The following AKR1C3 variants were observed in gnomAD, a reference collection of about 807,000 sequenced individuals.
AKR1C3 encodes the protein 3-alpha hydroxysteroid dehydrogenase, type II.
Under a neutral mutation model 43.6 loss-of-function variants are expected in AKR1C3, and 48 were observed. The observed-to-expected ratio is 1.10, with a 90% confidence interval of 0.87 to 1.40. The LOEUF (loss-of-function observed/expected upper bound fraction) is 1.40, where lower values mean the gene tolerates loss of function less well. AKR1C3 is among the 40% of genes most tolerant of loss of function. The pLI is 0.00. For missense variants in AKR1C3, 482 were observed against 391.2 expected (o/e 1.23, Z -1.96); for synonymous variants, 162 against 139.6 (o/e 1.16, Z -1.13).
In AKR1C3 at chr10:5,098,892, C is replaced by T. The variant is rs115177818; in HGVS notation, c.447+13C>T. ...TACCACCTGGGAGGTGAGTGCTTGG[C>T]GGAGAGGACACAGAGAAGGATGACA... On this transcript the variant is annotated intron_variant, in intron 4 of 8. Transcript: ENST00000380554. 2,548 of 1,596,364 alleles carry T rather than the reference C, an allele frequency of 1.6e-3. 50 individuals carry two copies. The African/African-American group carries it at 0.031, about 19-fold the overall frequency.
chr10:5,065,379 A>G (rs544766663), intron 1 of AKR1C3, among the ~76,000 whole-genome samples: 1 of 152,314 alleles, frequency 6.6e-6, no homozygotes, highest in Admixed American at 6.5e-5. Flanking sequence ...ACCAGACTGG[A>G]TAAAGAAATC....
chr10:5,077,108 G>A (rs1838731672), intron 1 of AKR1C3, among the ~76,000 whole-genome samples: 1 of 151,638 alleles, frequency 6.6e-6, no homozygotes, highest in Non-Finnish European at 1.5e-5. Context: ...TTTCACTAAA[G>A]AACATTCGTG....
At chr10:5,105,744 G>A in intron 8 of AKR1C3, 67 bp downstream of exon 8, 1 of 1,269,132 alleles carries the variant, frequency 7.9e-7, no homozygotes, top group Admixed American at 1.9e-5. Context: ...TGGGTGTTGA[G>A]AGTGACCTCC....
chr10:5,073,009 G>A (rs1838643889), intron 1 of AKR1C3, among the ~76,000 whole-genome samples: 1 of 152,008 alleles, frequency 6.6e-6, no homozygotes, highest in Non-Finnish European at 1.5e-5. Flanking sequence ...TTTCTCCCAG[G>A]TTAGAGTGTA....
intron 1 of AKR1C3, among the ~76,000 whole-genome samples, chr10:5,082,547 T>A (rs1181715288): frequency 6.6e-6 from 1 of 152,168 alleles, no homozygotes; most frequent in Non-Finnish European, 1.5e-5. Flanking sequence ...ATGATCATTT[T>A]TTTTTTGCTT....
intron 1 of AKR1C3, among the ~76,000 whole-genome samples, chr10:5,087,649 A>G (rs1839000174): frequency 6.6e-6 from 1 of 152,076 alleles, no homozygotes; most frequent in Admixed American, 6.6e-5. Context: ...CTGGGATTAC[A>G]GACGTAAGCC....
intron 1 of AKR1C3, among the ~76,000 whole-genome samples, chr10:5,065,975 G>A (rs1420826345): frequency 2.0e-5 from 3 of 152,136 alleles, no homozygotes; most frequent in African/African-American, 4.8e-5. Context: ...GCTCTCTCTA[G>A]TGGAGGCAGG....
chr10:5,104,985 G>T (rs2154309), intron 7 of AKR1C3, among the ~76,000 whole-genome samples: 127,071 of 151,604 alleles, frequency 0.84, 53,157 homozygotes, highest in Middle Eastern at 0.91. Flanking sequence ...GAGTGATTTA[G>T]TCAATTTATA....
intron 1 of AKR1C3, among the ~76,000 whole-genome samples, chr10:5,061,238 T>G (rs1554780204): frequency 6.6e-6 from 1 of 152,132 alleles, no homozygotes; most frequent in East Asian, 1.9e-4. Flanking sequence ...TTTGCAGACC[T>G]TTTTGAGGTG....
At chr10:5,049,992 G>T (rs781849927) in intron 1 of AKR1C3, among the ~76,000 whole-genome samples, 4 of 152,054 alleles carry the variant, frequency 2.6e-5, no homozygotes, top group Non-Finnish European at 5.9e-5. Context: ...CTACTGTCTA[G>T]TGGACACACT....
upstream of AKR1C3, chr10:5,093,697 G>A (rs1839142767): frequency 6.6e-6 from 1 of 151,912 alleles, no homozygotes; most frequent in Non-Finnish European, 1.5e-5. Context: ...TACTATTAAG[G>A]CACTGCTTGC....
At chr10:5,098,769 G>A (rs782506069) in intron 3 of AKR1C3, 33 bp from the exon 4 acceptor site, 1 of 1,585,494 alleles carries the variant, frequency 6.3e-7, no homozygotes, top group Non-Finnish European at 8.7e-7. Flanking sequence ...AAATTAATTT[G>A]TGACATCATT....
chr10:5,072,533 G>A (rs1220491177), intron 1 of AKR1C3, among the ~76,000 whole-genome samples: 2 of 152,194 alleles, frequency 1.3e-5, no homozygotes, highest in Admixed American at 6.5e-5. Context: ...CCTCTAGCCA[G>A]AATTGCAACC....
upstream of AKR1C3, among the ~76,000 whole-genome samples, chr10:5,092,636 T>G (rs782444540): frequency 3.3e-5 from 5 of 152,088 alleles, no homozygotes; most frequent in Admixed American, 6.6e-5. Context: ...TTGTTTGGTT[T>G]ATTTTGTATA....
upstream of AKR1C3, among the ~76,000 whole-genome samples, chr10:5,092,533 T>G (rs1554784431): frequency 6.7e-6 from 1 of 150,372 alleles, no homozygotes; most frequent in Non-Finnish European, 1.5e-5. Context: ...ATCTTATCCC[T>G]AAACATGTAG....
upstream of AKR1C3, chr10:5,094,035 T>C (rs1839152627): frequency 6.5e-6 from 1 of 153,868 alleles, no homozygotes; most frequent in South Asian, 2.0e-4. Flanking sequence ...TTATTTCAAA[T>C]GATGCAGTAT....
upstream of AKR1C3, among the ~76,000 whole-genome samples, chr10:5,092,116 C>G (rs1417501269): frequency 1.3e-5 from 2 of 152,086 alleles, no homozygotes; most frequent in Middle Eastern, 3.2e-3. Context: ...TTACCTATTA[C>G]ATCCTTCAAA....
intron 1 of AKR1C3, among the ~76,000 whole-genome samples, chr10:5,065,874 G>A (rs1379092728): frequency 6.6e-6 from 1 of 152,100 alleles, no homozygotes; most frequent in Non-Finnish European, 1.5e-5. Context: ...TTTATGGGAG[G>A]CAGAGGGACA....
At chr10:5,106,028 T>C (rs781988146) in intron 8 of AKR1C3, among the ~76,000 whole-genome samples, 15 of 152,244 alleles carry the variant, frequency 9.9e-5, no homozygotes, top group Non-Finnish European at 1.9e-4. Flanking sequence ...TCTGTGCTTA[T>C]ATCACATTGT....
Sources: gnomAD v4.1 joint callset for allele counts (sites outside exome capture counted in the v4.1 genomes callset) on GRCh38, gnomAD v4.1.1 for gene constraint, MANE v1.5 for transcripts, NCBI Gene and HGNC (gene_info 2026-07-23, HGNC 2026-07-21) for gene names.